The following GALNT16 variants were observed in gnomAD, a reference collection of about 807,000 sequenced individuals.
GALNT16 encodes the protein UDP-GalNAc:polypeptide N-acetylgalactosaminyltransferase-like protein 1.
In GALNT16, 40 loss-of-function variants were observed where a neutral mutation model predicts 76.1. The observed-to-expected ratio is 0.53, with a 90% CI of 0.41 to 0.68. The LOEUF (loss-of-function observed/expected upper bound fraction) is 0.68. Ranked by LOEUF, GALNT16 falls within the 30% of genes least tolerant of loss-of-function variation. The pLI, the probability that GALNT16 is intolerant of heterozygous loss-of-function variation, is 0.00. For missense variants in GALNT16, 621 were observed against 731.9 expected (o/e 0.85, Z 1.75); for synonymous variants, 276 against 285.2 (o/e 0.97, Z 0.32).
chr14:69,323,789 G>A (rs2045237961), intron 2 of GALNT16, among the ~76,000 whole-genome samples: 1 of 152,206 alleles, frequency 6.6e-6, no homozygotes, highest in East Asian at 1.9e-4. Flanking sequence ...GCAGGAAACA[G>A]GCCTGGGAAT....
intron 1 of GALNT16, among the ~76,000 whole-genome samples, chr14:69,301,743 C>T (rs1438650805): frequency 1.3e-5 from 2 of 152,256 alleles, no homozygotes; most frequent in African/African-American, 2.4e-5. Context: ...AATCCCAGCA[C>T]TTTGGGAGGC....
chr14:69,307,444 G>A (rs745596912), intron 1 of GALNT16, among the ~76,000 whole-genome samples: 13 of 152,106 alleles, frequency 8.5e-5, no homozygotes, highest in Middle Eastern at 3.2e-3. Context: ...ATATTGTTCC[G>A]GCTCATTTGA....
At chr14:69,358,008 CA>C (rs34566782), downstream of GALNT16, 19,301 of 152,398 alleles carry the variant, frequency 0.13, 1,351 homozygotes, top group East Asian at 0.18. Context: ...AGGGAGAAGC[CA>C]GGGGGAAAGA....
At chr14:69,331,869 G>A (rs983752386) in intron 7 of GALNT16, among the ~76,000 whole-genome samples, 1 of 152,196 alleles carries the variant, frequency 6.6e-6, no homozygotes, top group Non-Finnish European at 1.5e-5. Flanking sequence ...CACAAGTCCC[G>A]GCAGAAGGCC....
intron 1 of GALNT16, among the ~76,000 whole-genome samples, chr14:69,286,799 C>T (rs1402678533): frequency 6.6e-6 from 1 of 152,140 alleles, no homozygotes; most frequent in Non-Finnish European, 1.5e-5. Flanking sequence ...AAAATGTTAA[C>T]AGTGGGATCC....
intron 12 of GALNT16, among the ~76,000 whole-genome samples, chr14:69,345,340 G>A (rs984343024): frequency 1.3e-5 from 2 of 152,254 alleles, no homozygotes; most frequent in South Asian, 2.1e-4. Context: ...CTGCTGCCAG[G>A]GGTGTGGGAG....
chr14:69,294,969 G>T (rs1023559705), intron 1 of GALNT16, among the ~76,000 whole-genome samples: 2 of 152,148 alleles, frequency 1.3e-5, no homozygotes, highest in Non-Finnish European at 2.9e-5. Context: ...CCATGGAATG[G>T]ATATGCCTCA....
intron 14 of GALNT16, chr14:69,348,264 C>G: frequency 1.7e-6 from 1 of 588,192 alleles, no homozygotes; most frequent in African/African-American, 1.9e-5. Context: ...GTCTTGTTAA[C>G]ACTGTATCCC....
chr14:69,355,740 G>C (rs1255924797), downstream of GALNT16: 1 of 152,214 alleles, frequency 6.6e-6, no homozygotes, highest in East Asian at 1.9e-4. Flanking sequence ...TCTGCACCAG[G>C]GCCAGACTCC....
intron 1 of GALNT16, among the ~76,000 whole-genome samples, chr14:69,280,353 T>A (rs533069919): frequency 1.1e-4 from 17 of 152,360 alleles, no homozygotes; most frequent in Admixed American, 4.6e-4. Context: ...TCATCCATGT[T>A]GTAGCATGTG....
chr14:69,263,944 G>A (rs568565048), intron 1 of GALNT16, among the ~76,000 whole-genome samples: 23 of 152,322 alleles, frequency 1.5e-4, no homozygotes, highest in African/African-American at 5.5e-4. Flanking sequence ...CTACACTGAT[G>A]CACGCTGGGA....
chr14:69,279,989 G>A (rs549224138), intron 1 of GALNT16, among the ~76,000 whole-genome samples: 2 of 152,236 alleles, frequency 1.3e-5, no homozygotes, highest in African/African-American at 4.8e-5. Context: ...AATGGTGCCT[G>A]GTATTGATTT....
the GALNT16 span, among the ~76,000 whole-genome samples, chr14:69,381,900 G>C: frequency 5.3e-5 from 8 of 152,360 alleles, no homozygotes; most frequent in Non-Finnish European, 1.0e-4. Context: ...ATGTTGGCCA[G>C]GTTGGTCTTG....
chr14:69,335,068 A>G (rs1262190407), intron 9 of GALNT16, among the ~76,000 whole-genome samples: 2 of 152,144 alleles, frequency 1.3e-5, no homozygotes, highest in Non-Finnish European at 1.5e-5. Context: ...TTCAGTCCGG[A>G]AACTCCACAT....
In GALNT16 at chr14:69,273,237, G is replaced by A. The variant is rs2044428412; in HGVS notation, c.177+12770G>A. ...TCTTGCTGTGATGAAAATGGGTTTT[G>A]GAGGAGGGGTAGGAGCAGTGGAGGC... On this transcript the variant is annotated intron_variant, in intron 1 of 14. Transcript: ENST00000448469. 2.6e-5 allele frequency among the ~76,000 whole-genome samples: 4 copies of A among 152,226 alleles called. No homozygotes were observed. The South Asian group carries it at 8.3e-4, about 32-fold the overall frequency.
At chr14:69,377,491 A>G in the GALNT16 span, among the ~76,000 whole-genome samples, 1 of 152,328 alleles carries the variant, frequency 6.6e-6, no homozygotes, top group African/African-American at 2.4e-5. Flanking sequence ...TTATGCTAAC[A>G]TATAAATTAA....
intron 1 of GALNT16, among the ~76,000 whole-genome samples, chr14:69,272,873 C>A (rs1234254184): frequency 2.0e-5 from 3 of 152,198 alleles, no homozygotes; most frequent in African/African-American, 4.8e-5. Context: ...ATAGGGTATC[C>A]CATATAGCCT....
At chr14:69,301,977 A>T (rs1345400106) in intron 1 of GALNT16, among the ~76,000 whole-genome samples, 3 of 152,128 alleles carry the variant, frequency 2.0e-5, no homozygotes, top group African/African-American at 7.2e-5. Flanking sequence ...ACCTCATCTA[A>T]AACAAACAAA....
intron 1 of GALNT16, among the ~76,000 whole-genome samples, chr14:69,317,537 T>C (rs1420180157): frequency 6.6e-6 from 1 of 152,232 alleles, no homozygotes; most frequent in African/African-American, 2.4e-5. Flanking sequence ...CCCAGCCTCT[T>C]ACCCAGTGTA....
Sources: gnomAD v4.1 joint callset for allele counts (sites outside exome capture counted in the v4.1 genomes callset) on GRCh38, gnomAD v4.1.1 for gene constraint, MANE v1.5 for transcripts, NCBI Gene and HGNC (gene_info 2026-07-23, HGNC 2026-07-21) for gene names.